The following ARHGEF28 variants were observed in gnomAD, a reference collection of about 807,000 sequenced individuals.
ARHGEF28 encodes the protein 190 kDa guanine nucleotide exchange factor.
In ARHGEF28, 152 loss-of-function variants were observed where a neutral mutation model predicts 206.6. The ratio of observed to expected loss-of-function variants is 0.74; its 90% CI spans 0.64 to 0.84. ARHGEF28 has a LOEUF of 0.84. Among genes scored for constraint, ARHGEF28 ranks in the 40% least tolerant of loss-of-function variants. ARHGEF28 has a pLI of 0.00. For synonymous variants in ARHGEF28, 763 were observed against 776.4 expected, an observed-to-expected ratio of 0.98 and a Z score of 0.29; for missense variants, 2,028 against 2,073.2, an observed-to-expected ratio of 0.98 and a Z score of 0.42.
At chr5:73,743,522 C>T (rs1054849128) in intron 2 of ARHGEF28, among the ~76,000 whole-genome samples, 1 of 152,162 alleles carries the variant, frequency 6.6e-6, no homozygotes, top group African/African-American at 2.4e-5. Context: ...TTTTAGTTAA[C>T]CTTCTTTTAA....
intron 35 of ARHGEF28, among the ~76,000 whole-genome samples, chr5:73,937,886 G>A (rs763773636): frequency 4.6e-5 from 7 of 152,122 alleles, no homozygotes; most frequent in Non-Finnish European, 7.4e-5. Flanking sequence ...TTGAAATGGA[G>A]TAACAAAATC....
At chr5:73,874,158 A>G (rs1433973987) in intron 22 of ARHGEF28, among the ~76,000 whole-genome samples, 1 of 152,134 alleles carries the variant, frequency 6.6e-6, no homozygotes, top group East Asian at 1.9e-4. Flanking sequence ...CTTATTTGCC[A>G]TCTATATATC....
chr5:73,870,004 T>C, intron 20 of ARHGEF28, 65 bp from the exon 21 acceptor site: 2 of 1,547,400 alleles, frequency 1.3e-6, no homozygotes, highest in South Asian at 1.2e-5. Context: ...CATAGACAAA[T>C]ATACGAAGGT....
intron 2 of ARHGEF28, among the ~76,000 whole-genome samples, chr5:73,734,178 T>G (rs564300862): frequency 6.6e-6 from 1 of 151,886 alleles, no homozygotes; most frequent in Non-Finnish European, 1.5e-5. Flanking sequence ...AAAAAAAGGA[T>G]GGAAGGGGCA....
At chr5:73,773,071 A>G (rs1227347095) in intron 4 of ARHGEF28, among the ~76,000 whole-genome samples, 3 of 152,230 alleles carry the variant, frequency 2.0e-5, no homozygotes, top group Non-Finnish European at 2.9e-5. Context: ...TTAACAGCCA[A>G]TTGTCATTCA....
At chr5:73,815,610 C>T (rs1482030322) in intron 9 of ARHGEF28, among the ~76,000 whole-genome samples, 1 of 151,998 alleles carries the variant, frequency 6.6e-6, no homozygotes, top group Non-Finnish European at 1.5e-5. Flanking sequence ...TTTATGTGGC[C>T]CAGTGTTGTT....
chr5:73,756,946 G>A (rs1216777495), intron 4 of ARHGEF28, among the ~76,000 whole-genome samples: 1 of 152,148 alleles, frequency 6.6e-6, no homozygotes, highest in Non-Finnish European at 1.5e-5. Flanking sequence ...TAATGCCCTA[G>A]ATTAACTGGA....
intron 1 of ARHGEF28, among the ~76,000 whole-genome samples, chr5:73,679,623 C>T (rs1470275219): frequency 6.7e-6 from 1 of 150,068 alleles, no homozygotes; most frequent in African/African-American, 2.4e-5. Flanking sequence ...TATCTGTAAT[C>T]TGTTTCTTTT....
Position 73,791,634 on chromosome 5 carries a change from A to G in ARHGEF28, c.911-2768A>G, listed in dbSNP as rs536296334. 7.4e-5 allele frequency among the ~76,000 whole-genome samples: 10 copies of G among 135,762 alleles called. 1 individual carries two copies. In the South Asian group the frequency reaches 2.3e-3, roughly 31 times the overall value. 89.1% of individuals were successfully genotyped at this position (135,762 alleles called of 152,430 possible). The stretch of plus-strand genomic sequence containing the variant: ...CATTTGCAAAATAAGACAGTAAGAC[A>G]TGTGCATAGAGGTGAGTTTTTTAGG... On this transcript the variant is annotated intron_variant, in intron 7 of 35. Coordinates refer to ENST00000513042, the MANE Select transcript of ARHGEF28 (RefSeq NM_001177693.2).
chr5:73,861,201 C>A (rs945930600), intron 16 of ARHGEF28, among the ~76,000 whole-genome samples: 3 of 152,140 alleles, frequency 2.0e-5, no homozygotes, highest in Non-Finnish European at 4.4e-5. Context: ...ACCAGTAAAG[C>A]CTAGGGAGCC....
chr5:73,777,250 T>C (rs34929759), intron 6 of ARHGEF28, among the ~76,000 whole-genome samples: 63,023 of 138,782 alleles, frequency 0.45, 13,221 homozygotes, highest in South Asian at 0.46. Context: ...TTTATCTCTC[T>C]TTTTTTTTTT....
At chr5:73,712,168 T>G (rs143912010) in intron 2 of ARHGEF28, among the ~76,000 whole-genome samples, 390 of 152,336 alleles carry the variant, frequency 2.6e-3, no homozygotes, top group Middle Eastern at 0.01. Flanking sequence ...TTTTAATGTA[T>G]TGCTGGATTT....
At chr5:73,767,060 G>A (rs1443823336) in intron 4 of ARHGEF28, among the ~76,000 whole-genome samples, 1 of 152,118 alleles carries the variant, frequency 6.6e-6, no homozygotes, top group Non-Finnish European at 1.5e-5. Flanking sequence ...TTTAAAATAG[G>A]AGTTTCCCTG....
intron 7 of ARHGEF28, among the ~76,000 whole-genome samples, chr5:73,783,572 C>T (rs75496298): frequency 6.6e-6 from 1 of 152,002 alleles, no homozygotes; most frequent in South Asian, 2.1e-4. Context: ...AAGATGGGGA[C>T]CAGCCATGGG....
chr5:73,821,641 G>T (rs1455202688), intron 9 of ARHGEF28, among the ~76,000 whole-genome samples: 1 of 151,794 alleles, frequency 6.6e-6, no homozygotes, highest in Non-Finnish European at 1.5e-5. Flanking sequence ...CTTCATTTGA[G>T]GTCTTTTGGT....
chr5:73,753,379 G>A (rs531694351), intron 4 of ARHGEF28, among the ~76,000 whole-genome samples, 177 bp downstream of exon 4: 23 of 152,326 alleles, frequency 1.5e-4, no homozygotes, highest in African/African-American at 5.3e-4. Context: ...GCTGGTTTAT[G>A]TGACTCCGTG....
chr5:73,640,385 A>G (rs1484638994), intron 1 of ARHGEF28, among the ~76,000 whole-genome samples: 1 of 152,240 alleles, frequency 6.6e-6, no homozygotes, highest in Admixed American at 6.5e-5. Flanking sequence ...TTCTTACATC[A>G]GAATGCCATT....
chr5:73,846,745 A>G (rs994432320), intron 12 of ARHGEF28, among the ~76,000 whole-genome samples: 1 of 152,170 alleles, frequency 6.6e-6, no homozygotes, highest in African/African-American at 2.4e-5. Context: ...GGAAAATTTT[A>G]TCATTTTACA....
intron 2 of ARHGEF28, among the ~76,000 whole-genome samples, chr5:73,699,162 T>G (rs1324154863): frequency 6.6e-6 from 1 of 151,624 alleles, no homozygotes; most frequent in African/African-American, 2.4e-5. Context: ...TGTGTGTGTG[T>G]GTGTATGTGT....
Sources: allele counts gnomAD v4.1 joint callset (sites outside exome capture counted in the v4.1 genomes callset), GRCh38; gene constraint gnomAD v4.1.1; transcripts MANE v1.5; gene names NCBI Gene and HGNC (gene_info 2026-07-23, HGNC 2026-07-21).